PCDHGA11: variants seen among roughly 807,000 people sequenced by gnomAD.
PCDHGA11 encodes protocadherin gamma subfamily A, 11, also known as protocadherin gamma-A11.
Under a neutral mutation model 60.4 loss-of-function variants are expected in PCDHGA11, and 39 were observed. That is an observed-to-expected ratio of 0.65 (90% CI 0.50 to 0.84). The LOEUF (loss-of-function observed/expected upper bound fraction) is 0.84, where lower values mean the gene tolerates loss of function less well. PCDHGA11 is among the 40% of genes least tolerant of loss of function. The pLI is 0.00. For synonymous variants in PCDHGA11, 533 were observed against 510.3 expected (o/e 1.04, Z -0.60); for missense variants, 1,165 against 1,197.7 (o/e 0.97, Z 0.40).
chr5:141,427,768 A>C (rs1003238906), intron 1 of PCDHGA11: 4 of 1,393,994 alleles, frequency 2.9e-6, no homozygotes, highest in Non-Finnish European at 4.0e-6. Context: ...ACTGACTTGG[A>C]GCTGCGGGCA....
At position 141,477,886 on chromosome 5, in the gene PCDHGA11, G is replaced by A. The variant is rs2099422999; in HGVS notation, c.2434-16921G>A. 2 of 1,614,188 alleles carry A rather than the reference G, an allele frequency of 1.2e-6. No homozygotes were observed. The highest frequency in any genetic ancestry group is 1.7e-6 in the Non-Finnish European group (2 of 1,180,040). ...GAGGTACCTCAGCTGGCCACCTAGT[G>A]TCACGGGTGGTAGGCTGGGACGCGG... On this transcript the variant is annotated intron_variant, in intron 1 of 3. Transcript: ENST00000398587. The surrounding 1 kb of genome is among the most constrained non-coding windows in gnomAD (Gnocchi z 4.9).
chr5:141,427,683 G>T, intron 1 of PCDHGA11: 1 of 836,052 alleles, frequency 1.2e-6, no homozygotes, highest in African/African-American at 1.7e-5. Context: ...CCTTCCCGGA[G>T]CCTCCATCCC....
At chr5:141,481,240 T>G (rs1323124277) in intron 1 of PCDHGA11, among the ~76,000 whole-genome samples, 1 of 152,208 alleles carries the variant, frequency 6.6e-6, no homozygotes, top group Non-Finnish European at 1.5e-5. Flanking sequence ...AAGTATTACA[T>G]AGCATAGCTC....
intron 2 of PCDHGA11, among the ~76,000 whole-genome samples, chr5:141,499,214 C>T (rs1228581603): frequency 6.6e-6 from 1 of 152,074 alleles, no homozygotes; most frequent in Non-Finnish European, 1.5e-5. Flanking sequence ...TAACCCAGGC[C>T]CTGCCCTGCA....
In PCDHGA11 at chr5:141,489,911, G is replaced by A; in HGVS notation, c.2434-4896G>A. On this transcript the variant is annotated intron_variant, in intron 1 of 3. Transcript: ENST00000398587. The surrounding 1 kb of genome is among the most constrained non-coding windows in gnomAD (Gnocchi z 4.5). ...GATGGGGGGACCCCAGCCCGCTCAG[G>A]GACCACCCTTATCTCTGTCATCGTG... 3.7e-6 allele frequency: 6 copies of A among 1,614,198 alleles called. No individual in the cohort carries two copies. Among genetic ancestry groups the A allele is most frequent in the Non-Finnish European group, 5.1e-6 (6 of 1,180,042 alleles).
At chr5:141,440,382 C>T (rs898655247) in intron 1 of PCDHGA11, 2 of 152,178 alleles carry the variant, frequency 1.3e-5, no homozygotes, top group Non-Finnish European at 2.9e-5. Context: ...AGGAGAATCG[C>T]TTGAACCCGA....
Position 141,489,463 on chromosome 5 carries a change from T to C in PCDHGA11, c.2434-5344T>C. ...GGGCTCTGAGGAGAATGGGCGCTAT[T>C]TTTCCCTGAGCTTGATGAGTGGTGC... On this transcript the variant is annotated intron_variant, in intron 1 of 3. Transcript: ENST00000398587. This position sits in a 1 kb window ranked among gnomAD's most constrained non-coding sequence, Gnocchi z 4.5. 6.2e-7 allele frequency: 1 copy of C among 1,614,050 alleles called. No individual in the cohort carries two copies. The highest frequency in any genetic ancestry group is 8.5e-7 in the Non-Finnish European group (1 of 1,180,002).
At chr5:141,441,872 G>A (rs1400648028) in intron 1 of PCDHGA11, 4 of 341,526 alleles carry the variant, frequency 1.2e-5, no homozygotes, top group East Asian at 9.4e-5. Context: ...GCGGAGCCTG[G>A]CTACCTGGTC....
chr5:141,427,398 A>T (rs1040184910), intron 1 of PCDHGA11: 8 of 460,774 alleles, frequency 1.7e-5, no homozygotes, highest in Non-Finnish European at 3.5e-5. Context: ...AACACATGAT[A>T]AAGATTCGAG....
intron 1 of PCDHGA11, chr5:141,426,610 C>G (rs1376781969): frequency 2.6e-6 from 1 of 382,832 alleles, no homozygotes; most frequent in Non-Finnish European, 5.3e-6. Context: ...GAGATTGTAG[C>G]AGAGAATCCT....
rs2099631185 is a variant in PCDHGA11, at chr5:141,486,568, T to C, written c.2434-8239T>C. Reference sequence around the variant, plus strand: ...AGAGGTCACATGAGGTGTTTGTTCCTGAGAACAATCGCCCAGGGGACCTGC... The same window carrying C: ...AGAGGTCACATGAGGTGTTTGTTCCCGAGAACAATCGCCCAGGGGACCTGC... On this transcript the variant is annotated intron_variant, in intron 1 of 3. Coordinates refer to ENST00000398587, the MANE Select transcript of PCDHGA11 (RefSeq NM_018914.3). The surrounding 1 kb of genome is among the most constrained non-coding windows in gnomAD (Gnocchi z 5.0). 1.9e-6 allele frequency: 3 copies of C among 1,613,862 alleles called. No homozygotes were observed. The South Asian group carries it at 3.3e-5, about 18-fold the overall frequency.
intron 1 of PCDHGA11, chr5:141,433,132 T>A (rs1168186406): frequency 6.2e-7 from 1 of 1,614,122 alleles, no homozygotes; most frequent in Non-Finnish European, 8.5e-7. Context: ...GCGAGCCCCT[T>A]TTGCTGTCAG....
chr5:141,446,800 G>C (rs1332771959), intron 1 of PCDHGA11, among the ~76,000 whole-genome samples: 1 of 152,150 alleles, frequency 6.6e-6, no homozygotes, highest in African/African-American at 2.4e-5. Flanking sequence ...TTCTTCCATT[G>C]TGATCATCTA....
Position 141,485,954 on chromosome 5 carries a change from C to T in PCDHGA11, c.2434-8853C>T, listed in dbSNP as rs2154580519. The T allele has an allele frequency of 6.2e-7, 1 of 1,614,190 alleles. No individual in the cohort carries two copies. The highest frequency in any genetic ancestry group is 8.5e-7 in the Non-Finnish European group (1 of 1,180,038). ...GGAGAGCGCACCAGCGGGCATGGTG[C>T]TCATCCAGCTCAATGCCTCAGACCC... On this transcript the variant is annotated intron_variant, in intron 1 of 3. Coordinates refer to ENST00000398587, the MANE Select transcript of PCDHGA11 (RefSeq NM_018914.3). The surrounding 1 kb of genome is among the most constrained non-coding windows in gnomAD (Gnocchi z 5.7).
rs1036344847 is a variant in PCDHGA11 at position 141,424,050 on chromosome 5, C to G, written c.2433+390C>G. 9.9e-6 allele frequency: 10 copies of G among 1,014,084 alleles called. No homozygotes were observed. The African/African-American group carries it at 1.6e-4, about 16-fold the overall frequency. The allele number at this position is 1,014,084 out of a possible 1,614,324, so 62.8% of individuals were successfully genotyped here. A position where few individuals can be genotyped will look rare whatever the true frequency, so the allele number is the denominator to read the frequency against. ...ACTTTTTATTTCCATTTCAATTTTG[C>G]TGTGCCTTCACTGATTTGTAGTTAT... On this transcript the variant is annotated intron_variant, in intron 1 of 3. Coordinates refer to ENST00000398587, the MANE Select transcript of PCDHGA11 (RefSeq NM_018914.3).
At chr5:141,498,973 GA>G (rs1161965842) in intron 2 of PCDHGA11, among the ~76,000 whole-genome samples, 8 of 11,660 alleles carry the variant, frequency 6.9e-4, no homozygotes, top group Admixed American at 4.8e-3. Flanking sequence ...GGGAGGGAGG[GA>G]AGGAAGGAAG....
chr5:141,426,717 G>A (rs974405285), intron 1 of PCDHGA11: 1 of 446,052 alleles, frequency 2.2e-6, no homozygotes, highest in African/African-American at 2.0e-5. Flanking sequence ...CAATGAACTA[G>A]CAATTCCAGG....
intron 1 of PCDHGA11, among the ~76,000 whole-genome samples, chr5:141,481,309 T>C (rs577046585): frequency 2.6e-4 from 39 of 152,310 alleles, no homozygotes; most frequent in African/African-American, 9.1e-4. Context: ...GGAAAAACCT[T>C]CCTAAAGCAC....
Position 141,490,809 on chromosome 5 carries a change from C to T in PCDHGA11, c.2434-3998C>T. On this transcript the variant is annotated intron_variant, in intron 1 of 3. Transcript: ENST00000398587. The surrounding 1 kb of genome is among the most constrained non-coding windows in gnomAD (Gnocchi z 5.4). Reference sequence around the variant, plus strand: ...GGATCTTTGCCCAGCGTACCTTTGACTATGAATTGCTGCAGATGCTGCAGA... The same window carrying T: ...GGATCTTTGCCCAGCGTACCTTTGATTATGAATTGCTGCAGATGCTGCAGA... 2 of 1,613,954 alleles carry T rather than the reference C, an allele frequency of 1.2e-6. No individual in the cohort carries two copies. Among genetic ancestry groups the T allele is most frequent in the South Asian group, 2.2e-5 (2 of 91,076 alleles).
Sources: allele counts gnomAD v4.1 joint callset (sites outside exome capture counted in the v4.1 genomes callset), GRCh38; gene constraint gnomAD v4.1.1; non-coding constraint Gnocchi (gnomAD v3.1); transcripts MANE v1.5; gene names NCBI Gene and HGNC (gene_info 2026-07-23, HGNC 2026-07-21).